The following ATP2B1 variants were observed in gnomAD, a reference collection of about 807,000 sequenced individuals.
ATP2B1 encodes the protein plasma membrane calcium-transporting ATPase 1.
Under a neutral mutation model 124.2 loss-of-function variants are expected in ATP2B1, and 14 were observed. The ratio of observed to expected loss-of-function variants is 0.11; its 90% confidence interval spans 0.07 to 0.18. The LOEUF is 0.18. Among genes scored for constraint, ATP2B1 ranks in the 10% least tolerant of loss-of-function variants. ATP2B1 has a pLI of 1.00. For synonymous variants in ATP2B1, 449 were observed against 492.4 expected, an observed-to-expected ratio of 0.91 and a Z score of 1.17; for missense variants, 763 against 1,466.1, an observed-to-expected ratio of 0.52 and a Z score of 7.83.
chr12:89,705,800 C>CA (rs1234704074), intron 1 of ATP2B1, among the ~76,000 whole-genome samples: 1 of 152,134 alleles, frequency 6.6e-6, no homozygotes, highest in Admixed American at 6.5e-5. Context: ...CCTTTCATCT[C>CA]AGAGTTTTTG....
intron 20 of ATP2B1, 24 bp downstream of exon 20, chr12:89,599,093 C>G (rs759017096): frequency 6.2e-7 from 1 of 1,608,534 alleles, no homozygotes; most frequent in Non-Finnish European, 8.5e-7. Flanking sequence ...CATCATCTCT[C>G]CTACCTCTCT....
chr12:89,678,011 CACACACATAT>C (rs1888885915), intron 1 of ATP2B1, among the ~76,000 whole-genome samples: 2 of 136,300 alleles, frequency 1.5e-5, no homozygotes, highest in African/African-American at 5.4e-5. Context: ...CACACACACA[CACACACATAT>C]ACAGAATGGA....
chr12:89,615,831 T>G (rs955350154), intron 12 of ATP2B1, among the ~76,000 whole-genome samples: 1 of 152,202 alleles, frequency 6.6e-6, no homozygotes, highest in African/African-American at 2.4e-5. Context: ...GCTCTATACA[T>G]TCTCGATTTT....
chr12:89,663,919 A>G (rs1162363335), intron 1 of ATP2B1, among the ~76,000 whole-genome samples: 1 of 152,190 alleles, frequency 6.6e-6, no homozygotes, highest in Non-Finnish European at 1.5e-5. Flanking sequence ...AGCAGTCAGT[A>G]GGGAGGGGCT....
At chr12:89,663,524 G>GTA (rs55958543) in intron 1 of ATP2B1, among the ~76,000 whole-genome samples, 2 of 151,682 alleles carry the variant, frequency 1.3e-5, no homozygotes, top group East Asian at 1.9e-4. Context: ...AAGTTGGCAA[G>GTA]GTCTAAATAA....
intron 1 of ATP2B1, among the ~76,000 whole-genome samples, chr12:89,662,815 C>A (rs551624790): frequency 6.6e-6 from 1 of 152,138 alleles, no homozygotes; most frequent in East Asian, 1.9e-4. Flanking sequence ...CTTCCAGAGG[C>A]AGAGACTAAG....
In ATP2B1 at chr12:89,588,069, A is replaced by C. The variant is rs1216343703; in HGVS notation, c.*2915T>G. ...CCCCATTCAGAAACAGATAAACAGT[A>C]TATTTATTAAATGAGTTAAGACAAA... On this transcript the variant is annotated 3_prime_UTR_variant, in exon 21 of 21. Transcript: ENST00000428670. 2 of 152,806 alleles carry C rather than the reference A, an allele frequency of 1.3e-5. No individual in the cohort carries two copies. Among genetic ancestry groups the C allele is most frequent in the South Asian group, 4.1e-4 (2 of 4,834 alleles). 9.5% of individuals were successfully genotyped at this position (152,806 alleles called of 1,614,324 possible). A position where few individuals can be genotyped will look rare whatever the true frequency, so the allele number is the denominator to read the frequency against.
chr12:89,652,005 T>C (rs1331466071), intron 2 of ATP2B1, among the ~76,000 whole-genome samples: 1 of 152,240 alleles, frequency 6.6e-6, no homozygotes, highest in African/African-American at 2.4e-5. Context: ...TGTCTTGGGT[T>C]GCTCCTCCAT....
intron 11 of ATP2B1, among the ~76,000 whole-genome samples, chr12:89,618,806 C>T (rs1442405895): frequency 6.6e-6 from 1 of 152,126 alleles, no homozygotes; most frequent in Middle Eastern, 3.2e-3. Flanking sequence ...TTATATGCTG[C>T]CTTCAGTTAT....
At chr12:89,642,674 G>A (rs189811029) in intron 2 of ATP2B1, among the ~76,000 whole-genome samples, 1 of 151,786 alleles carries the variant, frequency 6.6e-6, no homozygotes, top group Non-Finnish European at 1.5e-5. Context: ...GCACAATCTC[G>A]GCTCACTGCA....
At chr12:89,699,739 G>C (rs566008010) in intron 1 of ATP2B1, among the ~76,000 whole-genome samples, 2 of 152,130 alleles carry the variant, frequency 1.3e-5, no homozygotes, top group Non-Finnish European at 2.9e-5. Flanking sequence ...GAGAAAGGTG[G>C]GTATTTCTAG....
At chr12:89,665,700 T>G (rs1887233072) in intron 1 of ATP2B1, among the ~76,000 whole-genome samples, 1 of 152,242 alleles carries the variant, frequency 6.6e-6, no homozygotes. Context: ...AAATTAAAAC[T>G]GTGTTTTTCC....
chr12:89,657,467 G>A (rs548742051), intron 1 of ATP2B1, among the ~76,000 whole-genome samples: 4 of 152,104 alleles, frequency 2.6e-5, no homozygotes, highest in Non-Finnish European at 4.4e-5. Context: ...CAGATTTAAC[G>A]TCTTCCCACC....
rs377632094 is a variant in ATP2B1 at position 89,599,183 on chromosome 12, G to A, written c.3285C>T (p.His1095=). Residue 1095 remains histidine, a synonymous_variant, in exon 20 of 21, where the codon CAC becomes CAT. Coordinates refer to ENST00000428670, the MANE Select transcript of ATP2B1 (RefSeq NM_001366521.1). ...GGCCACGCCGCAACTCCCTTTCAGC[G>A]TGATCAATCTCTTCAACATCCTCTG... The part of the protein sequence containing the change: ...ELAEDVEEID[H]AERELRRGQI... 2.4e-5 allele frequency: 38 copies of A among 1,614,130 alleles called. No homozygotes were observed. In the African/African-American group the frequency reaches 3.2e-4, roughly 14 times the overall value.
In ATP2B1 at chr12:89,601,449, A is replaced by G; in HGVS notation, c.3061-16T>C. On this transcript the variant is annotated splice_polypyrimidine_tract_variant and intron_variant, in intron 18 of 20. Transcript: ENST00000428670. Reference sequence around the variant, plus strand: ...CAATTATTATCTGGAGGAATAATCAAGAGTAAATTTACTTAAATCTTAAAT... The same window carrying G: ...CAATTATTATCTGGAGGAATAATCAGGAGTAAATTTACTTAAATCTTAAAT... 1.4e-6 allele frequency: 2 copies of G among 1,466,690 alleles called. No individual in the cohort carries two copies. Among genetic ancestry groups the G allele is most frequent in the Non-Finnish European group, 1.8e-6 (2 of 1,088,188 alleles). 90.9% of individuals were successfully genotyped at this position (1,466,690 alleles called of 1,614,324 possible).
chr12:89,630,379 T>C lies in ATP2B1; in HGVS notation c.928+126A>G, dbSNP rs996896290. 120 of 878,550 alleles carry C rather than the reference T, an allele frequency of 1.4e-4. No individual in the cohort carries two copies. The Middle Eastern group carries it at 2.2e-3, about 16-fold the overall frequency. The allele number at this position is 878,550 out of a possible 1,614,324, so 54.4% of individuals were successfully genotyped here. ...TAAAGGCCCATGCTATTAAGTCTAA[T>C]AGAAAAATCTTCTTTTAACTTTTTG... On this transcript the variant is annotated intron_variant, in intron 6 of 20. Coordinates refer to ENST00000428670, the MANE Select transcript of ATP2B1 (RefSeq NM_001366521.1).
At chr12:89,639,545 C>A (rs1222922265) in intron 3 of ATP2B1, among the ~76,000 whole-genome samples, 1 of 149,510 alleles carries the variant, frequency 6.7e-6, no homozygotes, top group East Asian at 1.9e-4. Flanking sequence ...ATATATATAT[C>A]TGTCTCAATA....
At chr12:89,629,557 A>G (rs1362332910) in intron 6 of ATP2B1, among the ~76,000 whole-genome samples, 1 of 152,188 alleles carries the variant, frequency 6.6e-6, no homozygotes, top group Non-Finnish European at 1.5e-5. Context: ...CGAAATAGAG[A>G]TTTTATAGCT....
At chr12:89,621,883 G>T in intron 9 of ATP2B1, 92 bp from the exon 10 acceptor site, 1 of 1,252,138 alleles carries the variant, frequency 8.0e-7, no homozygotes, top group Non-Finnish European at 1.0e-6. Context: ...TTTAAAATTA[G>T]AAAACTCCCA....
Sources: gnomAD v4.1 joint callset for allele counts (sites outside exome capture counted in the v4.1 genomes callset) on GRCh38, gnomAD v4.1.1 for gene constraint, MANE v1.5 for transcripts, NCBI Gene and HGNC (gene_info 2026-07-23, HGNC 2026-07-21) for gene names.